Variants in DOP1B observed in about 807,000 individuals in gnomAD.
DOP1B encodes the protein DOP1 leucine zipper like protein B.
A neutral mutation model predicts 233.5 loss-of-function variants in DOP1B; 174 were observed. That is an observed-to-expected ratio of 0.75 (90% CI 0.66 to 0.85). The LOEUF (loss-of-function observed/expected upper bound fraction) is 0.85, where lower values mean the gene tolerates loss of function less well. Among genes scored for constraint, DOP1B ranks in the 40% least tolerant of loss-of-function variants. DOP1B has a pLI of 0.00. For missense variants in DOP1B, 2,652 were observed against 2,846.6 expected (o/e 0.93, Z 1.56); for synonymous variants, 1,190 against 1,185.6 (o/e 1.00, Z -0.08).
intron 2 of DOP1B, among the ~76,000 whole-genome samples, chr21:36,187,489 G>A (rs2066177943): frequency 6.6e-6 from 1 of 152,062 alleles, no homozygotes; most frequent in Admixed American, 6.5e-5. Context: ...TAGAGATGGG[G>A]TTTCACTATG....
chr21:36,227,413 G>T (rs1399782809), intron 12 of DOP1B, among the ~76,000 whole-genome samples: 2 of 151,256 alleles, frequency 1.3e-5, no homozygotes, highest in Non-Finnish European at 2.9e-5. Flanking sequence ...CGGGCGTGGT[G>T]GTGGGCACCT....
At chr21:36,209,716 G>A (rs141054524) in intron 5 of DOP1B, among the ~76,000 whole-genome samples, 4 of 152,222 alleles carry the variant, frequency 2.6e-5, no homozygotes, top group African/African-American at 4.8e-5. Context: ...CCCTGGTAAC[G>A]ACATCCCTTC....
chr21:36,227,696 C>CT lies in DOP1B; in HGVS notation c.1485dup (p.Glu496Ter). The CT allele has an allele frequency of 6.4e-7, 1 of 1,550,704 alleles. No homozygotes were observed. Among genetic ancestry groups the CT allele is most frequent in the Non-Finnish European group, 8.8e-7 (1 of 1,141,768 alleles). ...ACGTTTATTTCACAGGAACTTTACT[C>CT]TGAGGTGCAAACCCAGTATCTCCCT... On this transcript the variant is annotated frameshift_variant, in exon 13 of 37. Coordinates refer to ENST00000691173, the MANE Select transcript of DOP1B (RefSeq NM_001320714.2). LOFTEE classifies it high-confidence loss of function.
rs776941695 is a variant in DOP1B at position 36,246,015 on chromosome 21, G to C, written c.4035G>C (p.Gln1345His). The C allele has an allele frequency of 6.2e-7, 1 of 1,613,990 alleles. No individual in the cohort carries two copies. The highest frequency in any genetic ancestry group is 2.2e-5 in the East Asian group (1 of 44,874). Residue 1345 changes from glutamine to histidine, a missense_variant, in exon 19 of 37, where the codon CAG becomes CAC. Physicochemically the swap from Gln to His is conservative, Grantham distance 24 (BLOSUM62 0). This residue lies in a region of DOP1B where 2,617 missense variants were observed against 2,794.3 expected (regional missense o/e 0.94). Transcript: ENST00000691173. The surrounding 1 kb of genome is among the most constrained non-coding windows in gnomAD (Gnocchi z 5.1). ...HRDILGNRDV[Q>H]VKSVEVLIRI... The stretch of plus-strand genomic sequence containing the variant: ...ACATTCTCGGCAACCGGGACGTGCA[G>C]GTCAAAAGTGTCGAGGTTTTGATCA...
intron 26 of DOP1B, among the ~76,000 whole-genome samples, chr21:36,266,811 T>C (rs1012709862): frequency 1.3e-5 from 2 of 152,242 alleles, no homozygotes; most frequent in African/African-American, 4.8e-5. Flanking sequence ...CCAAGGAATT[T>C]AGGAGTTATA....
rs531599258 is a variant in DOP1B at position 36,238,516 on chromosome 21, A to G, written c.2776-85A>G. On this transcript the variant is annotated intron_variant, in intron 16 of 36. Transcript: ENST00000691173. Reference sequence around the variant, plus strand: ...TCAGTTCTGCTGAAGTCTTTGATCTATTGTTTAAATGGGGTTTATGGTGAC... The same window carrying G: ...TCAGTTCTGCTGAAGTCTTTGATCTGTTGTTTAAATGGGGTTTATGGTGAC... 2.2e-4 allele frequency: 249 copies of G among 1,124,884 alleles called. 2 individuals carry two copies. The highest frequency in any genetic ancestry group is 5.1e-4 in the Admixed American group (28 of 54,438). The allele number at this position is 1,124,884 out of a possible 1,614,324, so 69.7% of individuals were successfully genotyped here.
chr21:36,160,476 T>C (rs2065859173), intron 1 of DOP1B, among the ~76,000 whole-genome samples: 1 of 127,656 alleles, frequency 7.8e-6, no homozygotes, highest in South Asian at 2.7e-4. Context: ...TTTTAAGTTT[T>C]CTTTTTTTTT....
chr21:36,270,941 A>G (rs13051432), intron 27 of DOP1B, among the ~76,000 whole-genome samples: 7 of 149,570 alleles, frequency 4.7e-5, no homozygotes, highest in Admixed American at 2.7e-4. Context: ...GAAAGAAAGT[A>G]CCTGAGGTGA....
At chr21:36,280,757 A>C (rs977927033) in intron 31 of DOP1B, among the ~76,000 whole-genome samples, 6 of 152,096 alleles carry the variant, frequency 3.9e-5, no homozygotes, top group Non-Finnish European at 5.9e-5. Flanking sequence ...TAATCCCAGC[A>C]CTTTGGGAGG....
chr21:36,180,101 A>G (rs184206313), intron 2 of DOP1B, among the ~76,000 whole-genome samples: 10 of 151,516 alleles, frequency 6.6e-5, no homozygotes, highest in Admixed American at 4.0e-4. Flanking sequence ...TTTCTCCACT[A>G]TTCCCATGTT....
chr21:36,287,557 C>G (rs949912866), intron 32 of DOP1B, among the ~76,000 whole-genome samples: 2 of 146,676 alleles, frequency 1.4e-5, no homozygotes, highest in Non-Finnish European at 3.0e-5. Context: ...GGACTAGTTG[C>G]ACAAAAGCAT....
intron 12 of DOP1B, 71 bp downstream of exon 12, chr21:36,225,738 T>C: frequency 6.9e-7 from 1 of 1,451,220 alleles, no homozygotes; most frequent in South Asian, 1.2e-5. Context: ...ATGGCCTGCT[T>C]TATCAACCTC....
chr21:36,273,084 A>G (rs2146237616), intron 27 of DOP1B, among the ~76,000 whole-genome samples: 1 of 151,874 alleles, frequency 6.6e-6, no homozygotes, highest in South Asian at 2.1e-4. Flanking sequence ...CCTGGGCGAC[A>G]GAGCAAGACT....
At chr21:36,282,986 G>T (rs1487612472) in intron 32 of DOP1B, among the ~76,000 whole-genome samples, 1 of 147,834 alleles carries the variant, frequency 6.8e-6, no homozygotes, top group African/African-American at 2.5e-5. Flanking sequence ...TAAATAAATT[G>T]TTATTATTAT....
At chr21:36,161,028 GGAAGAGTCTA>G (rs1435973876) in intron 1 of DOP1B, among the ~76,000 whole-genome samples, 1 of 152,178 alleles carries the variant, frequency 6.6e-6, no homozygotes, top group African/African-American at 2.4e-5. Flanking sequence ...GAGAAGAGAA[GGAAGAGTCTA>G]GAATAATCCA....
At chr21:36,288,469 G>A (rs575453576) in intron 33 of DOP1B, among the ~76,000 whole-genome samples, 1 of 152,230 alleles carries the variant, frequency 6.6e-6, no homozygotes, top group East Asian at 1.9e-4. Context: ...AAGGTGGATG[G>A]ATCACTTGAG....
intron 2 of DOP1B, among the ~76,000 whole-genome samples, chr21:36,177,459 T>C (rs934859382): frequency 6.6e-6 from 1 of 152,240 alleles, no homozygotes; most frequent in Non-Finnish European, 1.5e-5. Context: ...GCTGTGGGGC[T>C]GGAGGTAGTC....
chr21:36,212,703 C>T (rs1444083903), intron 7 of DOP1B, among the ~76,000 whole-genome samples: 1 of 152,184 alleles, frequency 6.6e-6, no homozygotes, highest in Non-Finnish European at 1.5e-5. Flanking sequence ...TCTAAAGTCC[C>T]ATATTCACGT....
chr21:36,173,719 G>A (rs560683026), intron 2 of DOP1B, among the ~76,000 whole-genome samples: 15 of 152,138 alleles, frequency 9.9e-5, no homozygotes, highest in African/African-American at 2.4e-4. Context: ...CGCCGCGCCC[G>A]GCCCAAGAAA....
Sources: gnomAD v4.1 joint callset for allele counts (sites outside exome capture counted in the v4.1 genomes callset) on GRCh38, gnomAD v4.1.1 for gene constraint, gnomAD v4.1.1 regional missense constraint, Gnocchi (gnomAD v3.1) non-coding constraint, MANE v1.5 for transcripts, NCBI Gene and HGNC (gene_info 2026-07-23, HGNC 2026-07-21) for gene names.